UHRF2: variants seen among roughly 807,000 people sequenced by gnomAD.
UHRF2 encodes the protein ubiquitin like with PHD and ring finger domains 2.
A neutral mutation model predicts 96.8 loss-of-function variants in UHRF2; 23 were observed. The ratio of observed to expected loss-of-function variants is 0.24; its 90% CI spans 0.17 to 0.34. UHRF2 has a LOEUF of 0.34. Among genes scored for constraint, UHRF2 ranks in the 10% least tolerant of loss-of-function variants. The pLI is 1.00. For missense variants in UHRF2, 685 were observed against 981.5 expected, an observed-to-expected ratio of 0.70 and a Z score of 4.04; for synonymous variants, 385 against 332.6, an observed-to-expected ratio of 1.16 and a Z score of -1.72.
At chr9:6,481,303 C>A (rs1823913285) in intron 6 of UHRF2, among the ~76,000 whole-genome samples, 8 of 152,110 alleles carry the variant, frequency 5.3e-5, no homozygotes, top group Admixed American at 5.2e-4. Context: ...CTAGGAAGAT[C>A]TAGCTACTTT....
rs1816491620 is a variant in UHRF2 at position 6,504,701 on chromosome 9, A to G, written c.2262+10A>G. The G allele has an allele frequency of 6.2e-7, 1 of 1,604,412 alleles. No homozygotes were observed. The highest frequency in any genetic ancestry group is 8.5e-7 in the Non-Finnish European group (1 of 1,172,414). ...CCACAATGTCTGTAAAGTAAGTAGA[A>G]TTCCTTCCTCACTTTCCCTGTTAGG... On this transcript the variant is annotated intron_variant, in intron 15 of 15. Coordinates refer to ENST00000276893, the MANE Select transcript of UHRF2 (RefSeq NM_152896.3).
chr9:6,448,341 G>A (rs115295378), intron 3 of UHRF2, among the ~76,000 whole-genome samples: 1,643 of 152,300 alleles, frequency 0.011, 27 homozygotes, highest in African/African-American at 0.037. Context: ...TTACTTATCT[G>A]TGAATACTAT....
Position 6,477,670 on chromosome 9 carries a change from A to C in UHRF2, c.1022A>C (p.Lys341Thr), listed in dbSNP as rs1356272787. 1.2e-6 allele frequency: 2 copies of C among 1,613,994 alleles called. No homozygotes were observed. The highest frequency in any genetic ancestry group is 1.7e-6 in the Non-Finnish European group (2 of 1,180,004). Reference sequence around the variant, plus strand: ...CTGTGTGGTGGAGACCCAGAAAAGAAATGTCATTCTTGCTCCTGTCGTGTA... The same window carrying C: ...CTGTGTGGTGGAGACCCAGAAAAGACATGTCATTCTTGCTCCTGTCGTGTA... Reference protein sequence around the residue: ...CDLCGGDPEKKCHSCSCRVCG... With the variant: ...CDLCGGDPEKTCHSCSCRVCG... The change falls in exon 6 of 16, where the codon AAA becomes ACA. Residue 341 changes from lysine to threonine, a missense_variant. Physicochemically the swap from Lys to Thr is moderately conservative, Grantham distance 78 (BLOSUM62 -1). This residue lies in a region of UHRF2 where 391 missense variants were observed against 437.0 expected (regional missense o/e 0.89). Coordinates refer to ENST00000276893, the MANE Select transcript of UHRF2 (RefSeq NM_152896.3).
Position 6,506,744 on chromosome 9 carries a change from T to G in UHRF2, c.*565T>G, listed in dbSNP as rs1816602836. ...ACTCCATTGTGCTTTTTTCTGGTGT[T>G]TTATGCAAGTTGACTACTAATGACT... On this transcript the variant is annotated 3_prime_UTR_variant, in exon 16 of 16. Coordinates refer to ENST00000276893, the MANE Select transcript of UHRF2 (RefSeq NM_152896.3). The G allele has an allele frequency of 6.5e-6, 1 of 152,776 alleles. No homozygotes were observed. The highest frequency in any genetic ancestry group is 1.5e-5 in the Non-Finnish European group (1 of 68,140). The allele number at this position is 152,776 out of a possible 1,614,324, so 9.5% of individuals were successfully genotyped here.
chr9:6,480,702 C>G (rs530681170), intron 6 of UHRF2, among the ~76,000 whole-genome samples: 8 of 152,250 alleles, frequency 5.3e-5, no homozygotes, highest in African/African-American at 1.4e-4. Context: ...TACAGCTTTT[C>G]TTTAGGACAG....
intron 2 of UHRF2, among the ~76,000 whole-genome samples, chr9:6,429,390 A>T (rs1820444861): frequency 6.6e-6 from 1 of 152,162 alleles, no homozygotes; most frequent in South Asian, 2.1e-4. Context: ...TGGTAATAAG[A>T]CTGTACTCTG....
At chr9:6,445,981 C>CTTTGTTTT (rs751155835) in intron 3 of UHRF2, among the ~76,000 whole-genome samples, 26 of 78,876 alleles carry the variant, frequency 3.3e-4, no homozygotes, top group African/African-American at 6.3e-4. Context: ...CCCCGCCACC[C>CTTTGTTTT]TTTTTTTTTT....
At chr9:6,505,182 T>C (rs1030660244) in intron 15 of UHRF2, among the ~76,000 whole-genome samples, 2 of 152,168 alleles carry the variant, frequency 1.3e-5, no homozygotes, top group African/African-American at 4.8e-5. Context: ...GAACTTCAGT[T>C]TCTTTTATAA....
At chr9:6,449,548 T>G (rs890757146) in intron 3 of UHRF2, 2 of 152,238 alleles carry the variant, frequency 1.3e-5, no homozygotes, top group South Asian at 2.1e-4. Context: ...AAAAGGATTC[T>G]TTTTAGAGTT....
chr9:6,459,096 T>A (rs1005355347), intron 3 of UHRF2, among the ~76,000 whole-genome samples: 1 of 152,072 alleles, frequency 6.6e-6, no homozygotes, highest in African/African-American at 2.4e-5. Context: ...AAGGATAGCA[T>A]TAGGAGAAAT....
chr9:6,475,978 C>T (rs1247102563), intron 5 of UHRF2, among the ~76,000 whole-genome samples: 1 of 152,102 alleles, frequency 6.6e-6, no homozygotes, highest in East Asian at 1.9e-4. Flanking sequence ...AGATTTTATT[C>T]CTTCTGTCTA....
intron 2 of UHRF2, among the ~76,000 whole-genome samples, chr9:6,423,903 C>T (rs1820080650): frequency 6.6e-6 from 1 of 151,734 alleles, no homozygotes; most frequent in South Asian, 2.1e-4. Flanking sequence ...CAAGATTGCG[C>T]CACTGCACTC....
At chr9:6,457,806 T>C (rs1165234469) in intron 3 of UHRF2, among the ~76,000 whole-genome samples, 1 of 152,330 alleles carries the variant, frequency 6.6e-6, no homozygotes, top group East Asian at 1.9e-4. Flanking sequence ...ATGGATTATG[T>C]TTATTGATTT....
chr9:6,480,127 T>C (rs1224582025), intron 6 of UHRF2, among the ~76,000 whole-genome samples: 2 of 152,230 alleles, frequency 1.3e-5, no homozygotes, highest in Non-Finnish European at 2.9e-5. Context: ...AACCTTGGTC[T>C]CTACCCACCT....
chr9:6,452,208 C>T (rs1156650254), intron 3 of UHRF2, among the ~76,000 whole-genome samples: 4 of 151,912 alleles, frequency 2.6e-5, no homozygotes, highest in Non-Finnish European at 4.4e-5. Context: ...CTGTTATGGA[C>T]GTTTGATTGT....
intron 5 of UHRF2, among the ~76,000 whole-genome samples, 195 bp from the exon 6 acceptor site, chr9:6,477,427 G>T (rs552756274): frequency 1.4e-3 from 208 of 152,090 alleles, no homozygotes; most frequent in African/African-American, 4.8e-3. Context: ...TCGAGAAGCT[G>T]AGGCGGGAGA....
chr9:6,435,819 C>G (rs4742204), intron 3 of UHRF2, among the ~76,000 whole-genome samples: 106,186 of 151,876 alleles, frequency 0.7, 39,654 homozygotes, highest in Non-Finnish European at 0.82. Context: ...ATGTTGGCCA[C>G]GGTGGTCTCG....
At chr9:6,474,503 C>T (rs1485972952) in intron 4 of UHRF2, among the ~76,000 whole-genome samples, 3 of 152,046 alleles carry the variant, frequency 2.0e-5, no homozygotes, top group African/African-American at 4.8e-5. Context: ...GTCAGGAGTT[C>T]GAGACGAGCC....
chr9:6,420,182 G>C (rs1478447333), intron 1 of UHRF2, among the ~76,000 whole-genome samples: 1 of 151,608 alleles, frequency 6.6e-6, no homozygotes, highest in Non-Finnish European at 1.5e-5. Flanking sequence ...TCTGCCTCCT[G>C]AGTAGTGGGA....
Sources: allele counts gnomAD v4.1 joint callset (sites outside exome capture counted in the v4.1 genomes callset), GRCh38; gene constraint gnomAD v4.1.1; regional missense constraint gnomAD v4.1.1; transcripts MANE v1.5; gene names NCBI Gene and HGNC (gene_info 2026-07-23, HGNC 2026-07-21).